AEN: variants seen among roughly 807,000 people sequenced by gnomAD.
The protein encoded by AEN is apoptosis-enhancing nuclease.
AEN carries 21 observed loss-of-function variants against 17.7 expected under a neutral mutation model. The ratio of observed to expected loss-of-function variants is 1.19; its 90% CI spans 0.84 to 1.71. AEN has a LOEUF of 1.71. Among genes scored for constraint, AEN ranks in the 40% most tolerant of loss-of-function variants. The pLI, the probability that AEN is intolerant of heterozygous loss-of-function variation, is 0.00. For synonymous variants in AEN, 190 were observed against 173.0 expected, an observed-to-expected ratio of 1.10 and a Z score of -0.77; for missense variants, 462 against 435.9, an observed-to-expected ratio of 1.06 and a Z score of -0.53.
rs551263710 is a variant in AEN at position 88,630,540 on chromosome 15, C to G, written c.*246C>G. The G allele has an allele frequency of 9.8e-6, 5 of 512,456 alleles. No individual in the cohort carries two copies. The South Asian group carries it at 1.1e-4, about 12-fold the overall frequency. 31.7% of individuals were successfully genotyped at this position (512,456 alleles called of 1,614,324 possible). On this transcript the variant is annotated 3_prime_UTR_variant, in exon 4 of 4. Transcript: ENST00000332810. The surrounding 1 kb of genome is among the most constrained non-coding windows in gnomAD (Gnocchi z 5.1). ...TTTTGCTAATGGCACTTTACAGACTCCATGGAGATGTCAGGTGGACCATCT... is the reference window on the plus strand; with the variant it reads ...TTTTGCTAATGGCACTTTACAGACTGCATGGAGATGTCAGGTGGACCATCT...
At chr15:88,617,532 C>T (rs370982861), upstream of AEN, among the ~76,000 whole-genome samples, 374 of 152,284 alleles carry the variant, frequency 2.5e-3, 3 homozygotes, top group African/African-American at 8.5e-3. Context: ...GAATTACAGG[C>T]GTGAGCCACA....
intron 1 of AEN, among the ~76,000 whole-genome samples, chr15:88,624,737 A>C (rs557959557): frequency 6.6e-6 from 1 of 152,250 alleles, no homozygotes; most frequent in Admixed American, 6.5e-5. Context: ...TACAAAAATT[A>C]GCCAGGCGTG....
At chr15:88,619,880 T>C (rs1014865892), upstream of AEN, among the ~76,000 whole-genome samples, 1 of 152,078 alleles carries the variant, frequency 6.6e-6, no homozygotes, top group Admixed American at 6.5e-5. Flanking sequence ...TCCACACCAC[T>C]CTGGACATCA....
At chr15:88,619,941 A>G (rs1448703917), upstream of AEN, among the ~76,000 whole-genome samples, 1 of 151,998 alleles carries the variant, frequency 6.6e-6, no homozygotes, top group African/African-American at 2.4e-5. Flanking sequence ...TCCAGTCCTC[A>G]TCCATTCCTC....
At chr15:88,613,096 G>T in the AEN span, among the ~76,000 whole-genome samples, 1 of 152,170 alleles carries the variant, frequency 6.6e-6, no homozygotes, top group Non-Finnish European at 1.5e-5. Flanking sequence ...ACAAACTAAA[G>T]TTGGGGGTTG....
upstream of AEN, chr15:88,621,272 C>T (rs1165497732): frequency 6.6e-6 from 1 of 152,304 alleles, no homozygotes; most frequent in Non-Finnish European, 1.5e-5. Flanking sequence ...CGGGCGCTGC[C>T]GTCCAGCGAG....
At chr15:88,625,651 T>G (rs1238965361) in intron 1 of AEN, among the ~76,000 whole-genome samples, 1 of 152,228 alleles carries the variant, frequency 6.6e-6, no homozygotes. Flanking sequence ...AAAAAAGTAT[T>G]TCTTAAAAAA....
the AEN span, among the ~76,000 whole-genome samples, chr15:88,614,442 C>G: frequency 2.0e-5 from 3 of 152,130 alleles, no homozygotes; most frequent in South Asian, 6.2e-4. Context: ...CTCAGGTGAT[C>G]CTACCACCTT....
At chr15:88,619,582 T>A (rs12916783), upstream of AEN, among the ~76,000 whole-genome samples, 13 of 152,110 alleles carry the variant, frequency 8.5e-5, no homozygotes, top group Middle Eastern at 3.4e-3. Flanking sequence ...CAGCTGTTCC[T>A]GAGGCTGAGG....
the AEN span, among the ~76,000 whole-genome samples, chr15:88,610,967 C>T: frequency 2.0e-5 from 3 of 152,200 alleles, no homozygotes; most frequent in Non-Finnish European, 4.4e-5. Flanking sequence ...GAGCCCAGCG[C>T]TGTGCCTGCA....
chr15:88,626,898 A>G, intron 2 of AEN, 149 bp downstream of exon 2: 1 of 842,776 alleles, frequency 1.2e-6, no homozygotes, highest in Non-Finnish European at 1.8e-6. Context: ...TCTCCATAGA[A>G]CAGGGGAAAT....
chr15:88,622,932 C>G (rs554910547), intron 1 of AEN, among the ~76,000 whole-genome samples: 1 of 152,344 alleles, frequency 6.6e-6, no homozygotes, highest in Admixed American at 6.5e-5. Flanking sequence ...CTACTTTCCT[C>G]TCTTGAAATA....
chr15:88,615,765 G>A, the AEN span, among the ~76,000 whole-genome samples: 1 of 152,200 alleles, frequency 6.6e-6, no homozygotes, highest in Admixed American at 6.5e-5. Flanking sequence ...GACGACACGT[G>A]GAGAACAATT....
At chr15:88,625,406 T>C (rs1833878547) in intron 1 of AEN, among the ~76,000 whole-genome samples, 1 of 152,042 alleles carries the variant, frequency 6.6e-6, no homozygotes, top group African/African-American at 2.4e-5. Context: ...TAGTCCCAGC[T>C]ACCCAGGAGG....
the AEN span, chr15:88,611,953 G>A: frequency 4.2e-6 from 2 of 481,554 alleles, no homozygotes; most frequent in African/African-American, 2.0e-5. Context: ...CAGGAAATGG[G>A]GGCAGCCCCC....
upstream of AEN, among the ~76,000 whole-genome samples, chr15:88,620,965 G>T (rs2057778330): frequency 6.7e-6 from 1 of 150,364 alleles, no homozygotes; most frequent in Non-Finnish European, 1.5e-5. Flanking sequence ...GGTAAGGGCC[G>T]ATGTTCCCAA....
the AEN span, among the ~76,000 whole-genome samples, chr15:88,610,614 C>T: frequency 6.6e-6 from 1 of 152,144 alleles, no homozygotes; most frequent in African/African-American, 2.4e-5. Flanking sequence ...TTCTCCATGA[C>T]TCCCCCCACT....
intron 2 of AEN, chr15:88,627,864 A>G (rs1353599686): frequency 6.6e-6 from 1 of 152,212 alleles, no homozygotes; most frequent in Non-Finnish European, 1.5e-5. Context: ...CATTGAGACA[A>G]ATCTGCATTT....
Position 88,631,513 on chromosome 15 carries a change from TGA to T in AEN, c.*1221_*1222del, listed in dbSNP as rs1229654342. The T allele has an allele frequency of 4.6e-6, 1 of 215,708 alleles. No homozygotes were observed. Among genetic ancestry groups the T allele is most frequent in the Admixed American group, 4.9e-5 (1 of 20,280 alleles). 13.4% of individuals were successfully genotyped at this position (215,708 alleles called of 1,614,324 possible). A position where few individuals can be genotyped will look rare whatever the true frequency, so the allele number is the denominator to read the frequency against. On this transcript the variant is annotated 3_prime_UTR_variant, in exon 4 of 4. Coordinates refer to ENST00000332810, the MANE Select transcript of AEN (RefSeq NM_022767.4). ...CTAAGCAAGCGAGGGACTTCACTCT[TGA>T]GGCTGTTTTTTCCTCATCTGTAAAG...
Sources: gnomAD v4.1 joint callset for allele counts (sites outside exome capture counted in the v4.1 genomes callset) on GRCh38, gnomAD v4.1.1 for gene constraint, Gnocchi (gnomAD v3.1) non-coding constraint, MANE v1.5 for transcripts, NCBI Gene and HGNC (gene_info 2026-07-23, HGNC 2026-07-21) for gene names.